Variants in STXBP5L observed in about 807,000 individuals in gnomAD.
STXBP5L encodes syntaxin binding protein 5L.
STXBP5L carries 65 observed loss-of-function variants against 144.5 expected under a neutral mutation model. That is an observed-to-expected ratio of 0.45 (90% CI 0.37 to 0.55). The LOEUF is 0.55. Ranked by LOEUF, STXBP5L falls within the 20% of genes least tolerant of loss-of-function variation. The pLI is 0.00. For synonymous variants in STXBP5L, 505 were observed against 469.6 expected (o/e 1.08, Z -0.97); for missense variants, 1,298 against 1,405.5 (o/e 0.92, Z 1.22).
intron 5 of STXBP5L, among the ~76,000 whole-genome samples, chr3:121,075,802 T>G (rs562945713): frequency 1.3e-5 from 2 of 152,294 alleles, no homozygotes; most frequent in South Asian, 4.1e-4. Context: ...AGGGTCCCAG[T>G]TTGGGTCAGC....
chr3:121,009,497 C>G (rs1023642123), intron 3 of STXBP5L, among the ~76,000 whole-genome samples: 9 of 152,018 alleles, frequency 5.9e-5, no homozygotes, highest in African/African-American at 2.2e-4. Context: ...ACTGTTTTAA[C>G]ACAACCACAT....
intron 3 of STXBP5L, among the ~76,000 whole-genome samples, chr3:120,989,702 T>A (rs76920244): frequency 6.6e-6 from 1 of 152,194 alleles, no homozygotes; most frequent in African/African-American, 2.4e-5. Flanking sequence ...ATTTTGAGGC[T>A]GTGTGGTTTG....
chr3:121,242,401 T>C (rs777697997), intron 14 of STXBP5L, among the ~76,000 whole-genome samples: 7 of 152,116 alleles, frequency 4.6e-5, no homozygotes, highest in Admixed American at 1.3e-4. Flanking sequence ...TAAAAGGATG[T>C]AAATAGAGTT....
Position 121,114,980 on chromosome 3 carries a change from A to G in STXBP5L, c.526A>G (p.Arg176Gly). Residue 176 changes from arginine to glycine, a missense_variant, in exon 6 of 27, where the codon AGA becomes GGA. Transcript: ENST00000471454. ...TAAATGGCTTTATGTTGGAACAGAA[A>G]GAGGAAATACACATATTGTAAATAT... Reference protein sequence around the residue: ...QSKWLYVGTERGNTHIVNIES... With the variant: ...QSKWLYVGTEGGNTHIVNIES... 6.2e-7 allele frequency: 1 copy of G among 1,601,928 alleles called. No homozygotes were observed. The highest frequency in any genetic ancestry group is 8.5e-7 in the Non-Finnish European group (1 of 1,175,366).
chr3:121,024,758 C>T (rs1362837461), intron 3 of STXBP5L, among the ~76,000 whole-genome samples: 2 of 152,010 alleles, frequency 1.3e-5, no homozygotes, highest in Admixed American at 6.6e-5. Flanking sequence ...TGATATATAT[C>T]CCATAAATGT....
chr3:121,005,806 T>A (rs1398519019), intron 3 of STXBP5L, among the ~76,000 whole-genome samples: 1 of 152,242 alleles, frequency 6.6e-6, no homozygotes, highest in Non-Finnish European at 1.5e-5. Context: ...CTTTTCGTCA[T>A]GTACCCAGTA....
At chr3:121,192,553 G>T (rs546516603) in intron 9 of STXBP5L, among the ~76,000 whole-genome samples, 6 of 152,158 alleles carry the variant, frequency 3.9e-5, no homozygotes, top group Non-Finnish European at 8.8e-5. Context: ...GAGGCATCAT[G>T]GTACTTGACT....
chr3:121,001,620 G>T (rs1943784132), intron 3 of STXBP5L, among the ~76,000 whole-genome samples: 1 of 152,122 alleles, frequency 6.6e-6, no homozygotes, highest in Non-Finnish European at 1.5e-5. Context: ...AGGTGTCCTT[G>T]GTTACATGGC....
At chr3:121,336,107 A>G (rs573555527) in intron 20 of STXBP5L, among the ~76,000 whole-genome samples, 5 of 152,334 alleles carry the variant, frequency 3.3e-5, no homozygotes, top group South Asian at 2.1e-4. Flanking sequence ...GTTAAAGGAT[A>G]TGAATAGACA....
chr3:121,038,156 TTTA>T (rs916662877), intron 3 of STXBP5L, among the ~76,000 whole-genome samples: 2 of 151,896 alleles, frequency 1.3e-5, no homozygotes, highest in Admixed American at 6.6e-5. Context: ...TCTGATCATC[TTTA>T]TTATTGTTCT....
chr3:120,995,100 A>T (rs1180728393), intron 3 of STXBP5L, among the ~76,000 whole-genome samples: 2 of 152,056 alleles, frequency 1.3e-5, no homozygotes, highest in African/African-American at 4.8e-5. Context: ...TATTTTAGGG[A>T]TTAAGTCTGC....
intron 3 of STXBP5L, among the ~76,000 whole-genome samples, chr3:120,970,202 A>C (rs1940086085): frequency 6.6e-6 from 1 of 152,066 alleles, no homozygotes. Context: ...TAGCCTTCAT[A>C]CTCAAGATGT....
chr3:121,308,860 C>A (rs138119267), intron 19 of STXBP5L, among the ~76,000 whole-genome samples: 1 of 152,150 alleles, frequency 6.6e-6, no homozygotes. Context: ...AATAACAGCA[C>A]ATAAGAGAGA....
intron 3 of STXBP5L, among the ~76,000 whole-genome samples, chr3:121,003,964 A>T (rs1255958150): frequency 6.6e-5 from 10 of 152,250 alleles, no homozygotes; most frequent in African/African-American, 2.2e-4. Flanking sequence ...CTTGCAGTAT[A>T]GTTTGAAGTC....
At chr3:121,126,493 T>A (rs896426691) in intron 7 of STXBP5L, among the ~76,000 whole-genome samples, 1 of 152,152 alleles carries the variant, frequency 6.6e-6, no homozygotes, top group African/African-American at 2.4e-5. Flanking sequence ...AACTCTTCCA[T>A]GCAGTGACAT....
intron 20 of STXBP5L, among the ~76,000 whole-genome samples, chr3:121,349,656 A>G (rs1041534602): frequency 2.0e-5 from 3 of 152,058 alleles, no homozygotes; most frequent in Non-Finnish European, 4.4e-5. Context: ...TTGGGGGCAT[A>G]TATATTTAGG....
chr3:121,311,494 G>A (rs1000000198), intron 19 of STXBP5L, among the ~76,000 whole-genome samples: 7 of 152,166 alleles, frequency 4.6e-5, no homozygotes, highest in Non-Finnish European at 1.0e-4. Flanking sequence ...TGGTGGAATT[G>A]TTTATGAAAT....
At chr3:121,087,470 A>G (rs1490126035) in intron 5 of STXBP5L, among the ~76,000 whole-genome samples, 1 of 151,916 alleles carries the variant, frequency 6.6e-6, no homozygotes, top group East Asian at 1.9e-4. Context: ...TGAAATTTTC[A>G]TTATCTAACA....
intron 3 of STXBP5L, among the ~76,000 whole-genome samples, chr3:121,011,047 T>C (rs1944736826): frequency 6.6e-6 from 1 of 150,498 alleles, no homozygotes; most frequent in Non-Finnish European, 1.5e-5. Context: ...TGGTTGTCTT[T>C]CTTGTATTAT....
Sources: allele counts gnomAD v4.1 joint callset (sites outside exome capture counted in the v4.1 genomes callset), GRCh38; gene constraint gnomAD v4.1.1; transcripts MANE v1.5; gene names NCBI Gene and HGNC (gene_info 2026-07-23, HGNC 2026-07-21).